Variants in STK32B observed in about 807,000 individuals in gnomAD.
The protein encoded by STK32B is serine/threonine kinase 32B.
In STK32B, 43 loss-of-function variants were observed where a neutral mutation model predicts 52.6. That is an observed-to-expected ratio of 0.82 (90% CI 0.64 to 1.05). The LOEUF (loss-of-function observed/expected upper bound fraction) is 1.05. STK32B is among the 50% of genes least tolerant of loss of function. The pLI, the probability that STK32B is intolerant of heterozygous loss-of-function variation, is 0.00. For synonymous variants in STK32B, 238 were observed against 204.3 expected, an observed-to-expected ratio of 1.17 and a Z score of -1.41; for missense variants, 621 against 534.6, an observed-to-expected ratio of 1.16 and a Z score of -1.59.
In STK32B at chr4:5,446,690, G is replaced by T. The variant is rs1330532635; in HGVS notation, c.580G>T (p.Val194Leu). Residue 194 changes from valine to leucine, a missense_variant, in exon 7 of 12, where the codon GTG becomes TTG. Val to Leu is a conservative substitution (Grantham distance 32). Coordinates refer to ENST00000282908, the MANE Select transcript of STK32B (RefSeq NM_018401.3). ...KPYMAPEVFQ[V>L]YMDRGPGYSY... Reference sequence around the variant, plus strand: ...GTTGGCAGCTCCAGAAGTATTCCAGGTGTACATGGACAGAGGCCCCGGATA... The same window carrying T: ...GTTGGCAGCTCCAGAAGTATTCCAGTTGTACATGGACAGAGGCCCCGGATA... 6.2e-7 allele frequency: 1 copy of T among 1,613,980 alleles called. No homozygotes were observed. Among genetic ancestry groups the T allele is most frequent in the Non-Finnish European group, 8.5e-7 (1 of 1,180,014 alleles).
chr4:5,187,636 A>C (rs898655556), intron 3 of STK32B, among the ~76,000 whole-genome samples: 2 of 152,146 alleles, frequency 1.3e-5, no homozygotes, highest in Admixed American at 6.5e-5. Context: ...GGGGGGGACA[A>C]GCCCTGTTTG....
intron 3 of STK32B, among the ~76,000 whole-genome samples, chr4:5,209,030 A>T (rs7659147): frequency 0.73 from 111,405 of 152,162 alleles, 42,125 homozygotes; most frequent in East Asian, 0.91. Flanking sequence ...TGCCCCTCTC[A>T]TGGCCCCTTT....
At chr4:5,366,219 T>A (rs1040343776) in intron 4 of STK32B, among the ~76,000 whole-genome samples, 2 of 152,056 alleles carry the variant, frequency 1.3e-5, no homozygotes, top group Admixed American at 1.3e-4. Context: ...AAAATGGGGA[T>A]GGGGATGACA....
chr4:5,065,605 C>T lies in STK32B; in HGVS notation c.52+13690C>T, dbSNP rs903649536. On this transcript the variant is annotated intron_variant, in intron 1 of 11. Transcript: ENST00000282908. ...GTGCCTTGATTGGCAATGCCTAGCA[C>T]GAGGCCAGCTGGAAAAGGAGAAATG... Among the ~76,000 whole-genome samples, 11 of 152,296 alleles carry T rather than the reference C, an allele frequency of 7.2e-5. No homozygotes were observed. The South Asian group carries it at 2.1e-3, about 29-fold the overall frequency.
chr4:5,233,796 A>C (rs1724435761), intron 3 of STK32B, among the ~76,000 whole-genome samples: 1 of 151,734 alleles, frequency 6.6e-6, no homozygotes, highest in Non-Finnish European at 1.5e-5. Context: ...GGTCCATGGA[A>C]ACAACATGGA....
intron 4 of STK32B, among the ~76,000 whole-genome samples, chr4:5,350,775 G>A (rs1049786771): frequency 1.3e-5 from 2 of 151,910 alleles, no homozygotes; most frequent in Admixed American, 6.6e-5. Flanking sequence ...CATATAGACT[G>A]AAAGTAAAAG....
At chr4:5,272,790 G>T (rs1274257686) in intron 3 of STK32B, among the ~76,000 whole-genome samples, 1 of 138,750 alleles carries the variant, frequency 7.2e-6, no homozygotes, top group Non-Finnish European at 1.6e-5. Context: ...CTAGCCATAT[G>T]TAGAAAGCTG....
chr4:5,218,628 T>G (rs146876919), intron 3 of STK32B, among the ~76,000 whole-genome samples: 7 of 152,296 alleles, frequency 4.6e-5, no homozygotes, highest in Non-Finnish European at 8.8e-5. Context: ...GCTAATTCCT[T>G]TTACAATTTC....
intron 1 of STK32B, among the ~76,000 whole-genome samples, chr4:5,062,648 A>C (rs959462590): frequency 7.9e-5 from 12 of 152,160 alleles, no homozygotes; most frequent in African/African-American, 2.9e-4. Flanking sequence ...AGCTGGGACT[A>C]CAGGCACCTG....
intron 6 of STK32B, among the ~76,000 whole-genome samples, chr4:5,426,273 C>T (rs1713083944): frequency 6.6e-6 from 1 of 152,144 alleles, no homozygotes; most frequent in Non-Finnish European, 1.5e-5. Flanking sequence ...GGTCATTAGG[C>T]ATTCTAATAG....
chr4:5,444,267 G>A (rs1715138076), intron 6 of STK32B, among the ~76,000 whole-genome samples: 2 of 152,230 alleles, frequency 1.3e-5, no homozygotes, highest in Admixed American at 6.5e-5. Context: ...CGTGGGTGTA[G>A]GACCCTCCAA....
At chr4:5,362,937 T>C (rs1475947225) in intron 4 of STK32B, among the ~76,000 whole-genome samples, 1 of 152,190 alleles carries the variant, frequency 6.6e-6, no homozygotes, top group East Asian at 1.9e-4. Context: ...AAAACTTTGT[T>C]GTGTTGTCAC....
At chr4:5,185,428 A>G (rs914242186) in intron 3 of STK32B, among the ~76,000 whole-genome samples, 3 of 152,226 alleles carry the variant, frequency 2.0e-5, no homozygotes, top group African/African-American at 4.8e-5. Flanking sequence ...CCAAGAAACA[A>G]TCACTTAAAT....
intron 4 of STK32B, among the ~76,000 whole-genome samples, chr4:5,397,127 T>A (rs1400516021): frequency 2.0e-5 from 3 of 152,248 alleles, no homozygotes; most frequent in Non-Finnish European, 4.4e-5. Flanking sequence ...TCAGGTAGAA[T>A]TAATATTTGA....
At chr4:5,422,636 T>G (rs1712740348) in intron 6 of STK32B, among the ~76,000 whole-genome samples, 1 of 152,184 alleles carries the variant, frequency 6.6e-6, no homozygotes, top group Admixed American at 6.5e-5. Context: ...ATTGATTCAG[T>G]AAACATTTAC....
chr4:5,399,580 T>C lies in STK32B; in HGVS notation c.472+1336T>C, dbSNP rs1737155736. On this transcript the variant is annotated intron_variant, in intron 5 of 11. Coordinates refer to ENST00000282908, the MANE Select transcript of STK32B (RefSeq NM_018401.3). This position sits in a 1 kb window ranked among gnomAD's most constrained non-coding sequence, Gnocchi z 5.4. ...GCATGGACAGAGCTGAGGATCCAAA[T>C]CAAGGCTGGAAAGGAAGCGAAAGCA... Among the ~76,000 whole-genome samples the C allele has an allele frequency of 1.3e-5, 2 of 152,056 alleles. No homozygotes were observed. Among genetic ancestry groups the C allele is most frequent in the South Asian group, 4.1e-4 (2 of 4,822 alleles).
At chr4:5,478,193 T>C (rs984629295) in intron 11 of STK32B, among the ~76,000 whole-genome samples, 19 of 152,124 alleles carry the variant, frequency 1.2e-4, no homozygotes, top group African/African-American at 4.1e-4. Context: ...AAGGATGGGA[T>C]GTAGGTATTA....
At chr4:5,335,133 T>C (rs1045035094) in intron 4 of STK32B, among the ~76,000 whole-genome samples, 1 of 152,238 alleles carries the variant, frequency 6.6e-6, no homozygotes, top group Non-Finnish European at 1.5e-5. Flanking sequence ...GGTAAGCTAT[T>C]GATTATTGCC....
At chr4:5,375,729 G>A (rs940377478) in intron 4 of STK32B, among the ~76,000 whole-genome samples, 5 of 152,014 alleles carry the variant, frequency 3.3e-5, no homozygotes, top group African/African-American at 1.2e-4. Context: ...TTTTTTGAAG[G>A]TTTTCCTCAA....
Sources: gnomAD v4.1 joint callset for allele counts (sites outside exome capture counted in the v4.1 genomes callset) on GRCh38, gnomAD v4.1.1 for gene constraint, Gnocchi (gnomAD v3.1) non-coding constraint, MANE v1.5 for transcripts, NCBI Gene and HGNC (gene_info 2026-07-23, HGNC 2026-07-21) for gene names.